Variants in IL1RAPL1 observed in about 807,000 individuals in gnomAD.
IL1RAPL1 encodes the protein interleukin-1 receptor accessory protein-like 1.
IL1RAPL1 carries 3 observed loss-of-function variants against 48.4 expected under a neutral mutation model. The observed-to-expected ratio is 0.06, with a 90% confidence interval of 0.03 to 0.16. IL1RAPL1 has a LOEUF of 0.16. Ranked by LOEUF, IL1RAPL1 falls within the 10% of genes least tolerant of loss-of-function variation. The probability of loss-of-function intolerance (pLI) is 1.00; values close to 1 mark genes in which losing one functional copy is unlikely to be tolerated. For synonymous variants in IL1RAPL1, 185 were observed against 187.7 expected (o/e 0.99, Z 0.12); for missense variants, 349 against 530.6 (o/e 0.66, Z 3.36).
intron 5 of IL1RAPL1, among the ~76,000 whole-genome samples, chrX:29,416,220 G>A (rs1413650656): frequency 9.0e-6 from 1 of 111,504 alleles, no homozygotes; most frequent in African/African-American, 3.3e-5. Flanking sequence ...AAAGGTTAAA[G>A]GAACTGAGAA....
At chrX:29,246,812 C>T (rs995097325) in intron 2 of IL1RAPL1, among the ~76,000 whole-genome samples, 4 of 110,955 alleles carry the variant, frequency 3.6e-5, no homozygotes, top group Non-Finnish European at 5.7e-5. Context: ...AGAGCTGTTC[C>T]CAAAGATTGA....
intron 5 of IL1RAPL1, among the ~76,000 whole-genome samples, chrX:29,524,743 A>G (rs890826173): frequency 2.7e-5 from 3 of 112,456 alleles, no homozygotes; most frequent in African/African-American, 9.7e-5. Flanking sequence ...CCTGACTTTA[A>G]TCTCTGATTT....
intron 5 of IL1RAPL1, among the ~76,000 whole-genome samples, chrX:29,490,307 G>A (rs1192381659): frequency 8.1e-5 from 9 of 111,285 alleles, no homozygotes; most frequent in East Asian, 2.8e-4. Flanking sequence ...CGAGGTGGGC[G>A]GATCACTTGA....
intron 2 of IL1RAPL1, among the ~76,000 whole-genome samples, chrX:29,022,887 A>G (rs1926403394): frequency 8.9e-6 from 1 of 112,350 alleles, no homozygotes; most frequent in Non-Finnish European, 1.9e-5. Flanking sequence ...TTTAATGTAT[A>G]ACATTGTCAT....
chrX:28,903,882 G>A (rs962541324), intron 2 of IL1RAPL1, among the ~76,000 whole-genome samples: 6 of 110,160 alleles, frequency 5.4e-5, no homozygotes, highest in Non-Finnish European at 1.1e-4. Flanking sequence ...TATGAGAAAA[G>A]TTAAAATATT....
At chrX:29,328,779 C>T (rs1426261317) in intron 3 of IL1RAPL1, among the ~76,000 whole-genome samples, 2 of 110,051 alleles carry the variant, frequency 1.8e-5, no homozygotes, top group Non-Finnish European at 3.8e-5. Context: ...TCAGAATGCT[C>T]TATTCAAAGT....
intron 5 of IL1RAPL1, among the ~76,000 whole-genome samples, chrX:29,404,274 A>G (rs1380082841): frequency 8.9e-6 from 1 of 111,975 alleles, no homozygotes; most frequent in Admixed American, 9.5e-5. Flanking sequence ...CCATAACTAT[A>G]GTTTTGCTTT....
chrX:29,645,773 A>G (rs1925303731), intron 5 of IL1RAPL1, among the ~76,000 whole-genome samples: 1 of 111,869 alleles, frequency 8.9e-6, no homozygotes, highest in Non-Finnish European at 1.9e-5. Flanking sequence ...CTGCACCAAC[A>G]TTGGTGACCA....
chrX:29,236,666 CA>C (rs1931311338), intron 2 of IL1RAPL1, among the ~76,000 whole-genome samples: 1 of 24,546 alleles, frequency 4.1e-5, no homozygotes. Flanking sequence ...CATTCTCCTG[CA>C]TTCTCCTGCC....
intron 2 of IL1RAPL1, among the ~76,000 whole-genome samples, chrX:28,919,106 T>A (rs1923556439): frequency 8.9e-6 from 1 of 111,810 alleles, no homozygotes; most frequent in Non-Finnish European, 1.9e-5. Context: ...GAACATCACA[T>A]GTGTTCAATA....
intron 3 of IL1RAPL1, among the ~76,000 whole-genome samples, chrX:29,310,497 A>G (rs1932709175): frequency 9.0e-6 from 1 of 111,528 alleles, no homozygotes; most frequent in Non-Finnish European, 1.9e-5. Flanking sequence ...TAAGGAGAAG[A>G]ACAAATAGAA....
At chrX:29,711,046 G>GTGTGTGTGTA (rs1454276556) in intron 6 of IL1RAPL1, among the ~76,000 whole-genome samples, 2 of 32,476 alleles carry the variant, frequency 6.2e-5, no homozygotes, top group African/African-American at 3.0e-4. Context: ...TGAGCATGGT[G>GTGTGTGTGTA]TGTGTGTGTG....
intron 5 of IL1RAPL1, among the ~76,000 whole-genome samples, chrX:29,640,730 C>A (rs1165539062): frequency 8.9e-6 from 1 of 112,338 alleles, no homozygotes; most frequent in African/African-American, 3.2e-5. Context: ...TGTCTTAATC[C>A]AAACCAATGA....
chrX:29,715,897 C>G (rs906975027), intron 6 of IL1RAPL1, among the ~76,000 whole-genome samples: 2 of 111,878 alleles, frequency 1.8e-5, no homozygotes, highest in Admixed American at 1.9e-4. Flanking sequence ...TACCAAGCAA[C>G]CCACCATTTG....
At chrX:29,549,061 T>C (rs1031420263) in intron 5 of IL1RAPL1, among the ~76,000 whole-genome samples, 1 of 112,141 alleles carries the variant, frequency 8.9e-6, no homozygotes, top group Non-Finnish European at 1.9e-5. Flanking sequence ...AGTAGTTATT[T>C]ATTTATGTAT....
At chrX:28,942,393 A>G (rs1924185086) in intron 2 of IL1RAPL1, 1 of 109,749 alleles carries the variant, frequency 9.1e-6, no homozygotes, top group African/African-American at 3.3e-5. Flanking sequence ...GTAATGTTAT[A>G]TTACATCATG....
At chrX:29,388,866 GT>G (rs1373486566) in intron 3 of IL1RAPL1, among the ~76,000 whole-genome samples, 1 of 111,678 alleles carries the variant, frequency 9.0e-6, no homozygotes, top group African/African-American at 3.3e-5. Flanking sequence ...CATTATCAAT[GT>G]ATTAAATGCC....
At chrX:29,453,331 T>G (rs773246257) in intron 5 of IL1RAPL1, among the ~76,000 whole-genome samples, 1 of 110,900 alleles carries the variant, frequency 9.0e-6, no homozygotes, top group African/African-American at 3.3e-5. Flanking sequence ...ATACAATATG[T>G]GAAGTAAAAT....
chrX:29,176,371 G>C (rs2147517064), intron 2 of IL1RAPL1, among the ~76,000 whole-genome samples: 1 of 107,627 alleles, frequency 9.3e-6, no homozygotes, highest in African/African-American at 3.4e-5. Context: ...GCCTCCCAAA[G>C]TGGGTACTTC....
Sources: gnomAD v4.1 joint callset for allele counts (sites outside exome capture counted in the v4.1 genomes callset) on GRCh38, gnomAD v4.1.1 for gene constraint, MANE v1.5 for transcripts, NCBI Gene and HGNC (gene_info 2026-07-23, HGNC 2026-07-21) for gene names.